Variants in GABRG3 observed in about 807,000 individuals in gnomAD.
GABRG3 encodes the protein gamma-aminobutyric acid type A receptor subunit gamma3, also known as gamma-aminobutyric acid receptor subunit gamma-3.
GABRG3 carries 25 observed loss-of-function variants against 48.8 expected under a neutral mutation model. That is an observed-to-expected ratio of 0.51 (90% CI 0.37 to 0.72). The LOEUF (loss-of-function observed/expected upper bound fraction) is 0.72. Among genes scored for constraint, GABRG3 ranks in the 30% least tolerant of loss-of-function variants. The probability of loss-of-function intolerance (pLI) is 0.00; values close to 1 mark genes in which losing one functional copy is unlikely to be tolerated. For synonymous variants in GABRG3, 227 were observed against 217.6 expected (o/e 1.04, Z -0.38); for missense variants, 394 against 577.9 (o/e 0.68, Z 3.26).
chr15:27,478,561 A>G (rs572034179), intron 5 of GABRG3, among the ~76,000 whole-genome samples: 1 of 152,348 alleles, frequency 6.6e-6, no homozygotes, highest in South Asian at 2.1e-4. Flanking sequence ...ATAGAATTTT[A>G]TGTTCCAGCC....
intron 5 of GABRG3, among the ~76,000 whole-genome samples, chr15:27,414,311 C>T (rs760650270): frequency 2.6e-5 from 4 of 152,108 alleles, no homozygotes; most frequent in South Asian, 2.1e-4. Context: ...CTCTTTCTTC[C>T]GTGCTGTTAT....
chr15:27,159,289 C>G (rs958777552), intron 3 of GABRG3, among the ~76,000 whole-genome samples: 1 of 152,076 alleles, frequency 6.6e-6, no homozygotes, highest in Non-Finnish European at 1.5e-5. Context: ...CAAGACCAAT[C>G]TGACCAACAT....
intron 3 of GABRG3, among the ~76,000 whole-genome samples, chr15:27,165,223 G>T (rs780692759): frequency 7.2e-5 from 11 of 152,108 alleles, no homozygotes; most frequent in Non-Finnish European, 1.6e-4. Context: ...AGGGCTTCAT[G>T]CCAGAGTACC....
chr15:27,307,873 G>GTTTATAAATATATATAAATA (rs1555370167), intron 3 of GABRG3, among the ~76,000 whole-genome samples: 1,164 of 32,608 alleles, frequency 0.036, 27 homozygotes, highest in African/African-American at 0.1. Context: ...ATATATAAAT[G>GTTTATAAATATATATAAATA]TATATGTTTA....
chr15:27,467,745 T>C (rs1294839303), intron 5 of GABRG3, among the ~76,000 whole-genome samples: 1 of 152,230 alleles, frequency 6.6e-6, no homozygotes, highest in African/African-American at 2.4e-5. Flanking sequence ...TCTCCTCTCA[T>C]ATTTGTGAAA....
intron 6 of GABRG3, among the ~76,000 whole-genome samples, chr15:27,499,771 G>A (rs1017726402): frequency 6.6e-5 from 10 of 152,218 alleles, no homozygotes; most frequent in African/African-American, 9.6e-5. Flanking sequence ...GCCCTGTTCT[G>A]GGGGCCGAGG....
chr15:27,248,803 CAGAGAGAGAGAGAG>C (rs1170812736), intron 3 of GABRG3, among the ~76,000 whole-genome samples: 5 of 110,176 alleles, frequency 4.5e-5, no homozygotes, highest in East Asian at 5.0e-4. Flanking sequence ...CACACACACA[CAGAGAGAGAGAGAG>C]AGAGAGAGAG....
intron 3 of GABRG3, among the ~76,000 whole-genome samples, chr15:27,318,967 G>A (rs1893327962): frequency 6.6e-6 from 1 of 152,258 alleles, no homozygotes; most frequent in African/African-American, 2.4e-5. Context: ...GTACAGCAGG[G>A]AGCCTATAGA....
At chr15:27,488,998 T>C (rs1219962716) in intron 6 of GABRG3, among the ~76,000 whole-genome samples, 1 of 152,154 alleles carries the variant, frequency 6.6e-6, no homozygotes, top group Non-Finnish European at 1.5e-5. Context: ...TCAGCTACAT[T>C]AGGTATTTCT....
intron 6 of GABRG3, among the ~76,000 whole-genome samples, chr15:27,500,248 A>G (rs2150853403): frequency 6.6e-6 from 1 of 152,258 alleles, no homozygotes; most frequent in East Asian, 1.9e-4. Flanking sequence ...AAGCACCCTC[A>G]TGCCCAGCCT....
chr15:27,416,166 A>G (rs183422219), intron 5 of GABRG3, among the ~76,000 whole-genome samples: 64 of 152,302 alleles, frequency 4.2e-4, no homozygotes, highest in Non-Finnish European at 5.7e-4. Flanking sequence ...AATGTCTTGT[A>G]CTTTTTTCTT....
intron 2 of GABRG3, among the ~76,000 whole-genome samples, chr15:26,991,005 A>G (rs532005341): frequency 3.9e-5 from 6 of 152,000 alleles, no homozygotes; most frequent in Non-Finnish European, 8.8e-5. Context: ...GGATTTCACC[A>G]TGTTGGCCAA....
At chr15:27,315,918 C>A (rs1444032776) in intron 3 of GABRG3, among the ~76,000 whole-genome samples, 2 of 152,130 alleles carry the variant, frequency 1.3e-5, no homozygotes, top group Non-Finnish European at 2.9e-5. Flanking sequence ...ATCTCTTGGT[C>A]TTTGTAGATG....
Position 27,541,974 on chromosome 15 carries a change from G to C in GABRG3, c.*9093G>C, listed in dbSNP as rs1428870292. 1 of 152,378 alleles carries C rather than the reference G, an allele frequency of 6.6e-6. No individual in the cohort carries two copies. The highest frequency in any genetic ancestry group is 1.5e-5 in the Non-Finnish European group (1 of 68,156). 9.4% of individuals were successfully genotyped at this position (152,378 alleles called of 1,614,324 possible). A position where few individuals can be genotyped will look rare whatever the true frequency, so the allele number is the denominator to read the frequency against. On this transcript the variant is annotated 3_prime_UTR_variant, in exon 10 of 10. Coordinates refer to ENST00000615808, the MANE Select transcript of GABRG3 (RefSeq NM_033223.5). Reference sequence around the variant, plus strand: ...ACTTCTAATACAAATAAATGCACATGTTGTCAGAAATACCTGAGCTGGAAG... The same window carrying C: ...ACTTCTAATACAAATAAATGCACATCTTGTCAGAAATACCTGAGCTGGAAG...
chr15:27,131,961 C>A (rs1444040494), intron 3 of GABRG3, among the ~76,000 whole-genome samples: 1 of 151,932 alleles, frequency 6.6e-6, no homozygotes, highest in Non-Finnish European at 1.5e-5. Flanking sequence ...GGTCTTTTGA[C>A]CAATTTTAAG....
At chr15:27,312,330 G>T (rs1314001745) in intron 3 of GABRG3, among the ~76,000 whole-genome samples, 6 of 152,004 alleles carry the variant, frequency 3.9e-5, no homozygotes, top group African/African-American at 1.4e-4. Context: ...AGCAGATCAT[G>T]GATTGTGAGA....
chr15:27,137,741 C>A (rs970248769), intron 3 of GABRG3, among the ~76,000 whole-genome samples: 1 of 152,168 alleles, frequency 6.6e-6, no homozygotes, highest in African/African-American at 2.4e-5. Flanking sequence ...ACATCCAAGG[C>A]ACATGTGGTT....
chr15:27,100,253 C>T, intron 3 of GABRG3, among the ~76,000 whole-genome samples: 1 of 150,972 alleles, frequency 6.6e-6, no homozygotes, highest in Non-Finnish European at 1.5e-5. Flanking sequence ...ATTAATGGAC[C>T]AGTTTTTTTA....
intron 3 of GABRG3, among the ~76,000 whole-genome samples, chr15:27,301,118 AAG>A (rs1200324406): frequency 1.3e-5 from 2 of 152,174 alleles, no homozygotes; most frequent in African/African-American, 4.8e-5. Context: ...TTGAAGAAAA[AAG>A]AACAGAGGTA....
Sources: gnomAD v4.1 joint callset for allele counts (sites outside exome capture counted in the v4.1 genomes callset) on GRCh38, gnomAD v4.1.1 for gene constraint, MANE v1.5 for transcripts, NCBI Gene and HGNC (gene_info 2026-07-23, HGNC 2026-07-21) for gene names.